Variants in OXSR1 observed in about 807,000 individuals in gnomAD.
OXSR1 encodes serine/threonine-protein kinase OSR1.
A neutral mutation model predicts 79.8 loss-of-function variants in OXSR1; 24 were observed. The ratio of observed to expected loss-of-function variants is 0.30; its 90% confidence interval spans 0.22 to 0.42. OXSR1 has a LOEUF of 0.42. Ranked by LOEUF, OXSR1 falls within the 10% of genes least tolerant of loss-of-function variation. The pLI is 1.00. For synonymous variants in OXSR1, 226 were observed against 209.2 expected (o/e 1.08, Z -0.69); for missense variants, 430 against 618.4 (o/e 0.70, Z 3.23).
intron 1 of OXSR1, among the ~76,000 whole-genome samples, chr3:38,177,699 C>T (rs541289373): frequency 1.1e-4 from 16 of 152,040 alleles, no homozygotes; most frequent in African/African-American, 3.9e-4. Flanking sequence ...ATCTTCCCAT[C>T]TCAGCCTCCC....
At chr3:38,173,169 G>A (rs1701614325) in intron 1 of OXSR1, among the ~76,000 whole-genome samples, 1 of 152,192 alleles carries the variant, frequency 6.6e-6, no homozygotes, top group East Asian at 1.9e-4. Context: ...TGAAGCTTTA[G>A]CTGGACACAT....
In OXSR1 at chr3:38,255,182, G is replaced by A. The variant is rs1703340629; in HGVS notation, c.*2291G>A. Reference sequence around the variant, plus strand: ...GTCCCAGGATCCCCTTGTCCCTGGAGTAGGGACTAACTATAGCACAAAGTA... The same window carrying A: ...GTCCCAGGATCCCCTTGTCCCTGGAATAGGGACTAACTATAGCACAAAGTA... On this transcript the variant is annotated 3_prime_UTR_variant, in exon 18 of 18. Transcript: ENST00000311806. The A allele has an allele frequency of 6.6e-6, 1 of 152,656 alleles. No individual in the cohort carries two copies. Among genetic ancestry groups the A allele is most frequent in the Non-Finnish European group, 1.5e-5 (1 of 68,044 alleles). 9.5% of individuals were successfully genotyped at this position (152,656 alleles called of 1,614,324 possible). A position where few individuals can be genotyped will look rare whatever the true frequency, so the allele number is the denominator to read the frequency against.
rs542538975 is a variant in OXSR1 at position 38,165,723 on chromosome 3, C to G, written c.-154C>G. 9.7e-5 allele frequency: 61 copies of G among 629,876 alleles called. No homozygotes were observed. The highest frequency in any genetic ancestry group is 4.9e-4 in the African/African-American group (25 of 51,222). 39.0% of individuals were successfully genotyped at this position (629,876 alleles called of 1,614,324 possible). On this transcript the variant is annotated 5_prime_UTR_variant, in exon 1 of 18. Transcript: ENST00000311806. ...CCGCTGCTCTGCCGCGCGGTGACCC[C>G]GCGCCCCGGCGCCGTCCGACCCGTG...
rs756162541 is a variant in OXSR1, at chr3:38,250,091, T to C, written c.1375+73T>C. On this transcript the variant is annotated intron_variant, in intron 15 of 17. Coordinates refer to ENST00000311806, the MANE Select transcript of OXSR1 (RefSeq NM_005109.3). ...TCAATGAAATGTGTTGTGAAGTTTC[T>C]GTCCTTTGTGAAGTTTTGCTTTTAA... 9.9e-5 allele frequency: 105 copies of C among 1,061,004 alleles called. No homozygotes were observed. The East Asian group carries it at 2.5e-3, about 25-fold the overall frequency. The allele number at this position is 1,061,004 out of a possible 1,614,324, so 65.7% of individuals were successfully genotyped here.
At position 38,165,744 on chromosome 3, in the gene OXSR1, C is replaced by T; in HGVS notation, c.-133C>T. The T allele has an allele frequency of 1.3e-6, 1 of 787,660 alleles. No individual in the cohort carries two copies. Among genetic ancestry groups the T allele is most frequent in the Non-Finnish European group, 2.0e-6 (1 of 493,676 alleles). 48.8% of individuals were successfully genotyped at this position (787,660 alleles called of 1,614,324 possible). On this transcript the variant is annotated 5_prime_UTR_variant, in exon 1 of 18. Coordinates refer to ENST00000311806, the MANE Select transcript of OXSR1 (RefSeq NM_005109.3). Reference sequence around the variant, plus strand: ...ACCCCGCGCCCCGGCGCCGTCCGACCCGTGGCTGTTCCGAGACGATTGGTG... The same window carrying T: ...ACCCCGCGCCCCGGCGCCGTCCGACTCGTGGCTGTTCCGAGACGATTGGTG...
At position 38,251,384 on chromosome 3, in the gene OXSR1, GTCT is replaced by G. The variant is rs1703252666; in HGVS notation, c.1376-14_1376-12del. On this transcript the variant is annotated splice_polypyrimidine_tract_variant and intron_variant, in intron 15 of 17. Coordinates refer to ENST00000311806, the MANE Select transcript of OXSR1 (RefSeq NM_005109.3). ...AAGCACGCACAAAAAACAGAGCACT[GTCT>G]TCTTTGTCCTTGCAGATACAGCAGA... is the stretch of plus-strand genomic sequence containing the variant. The G allele has an allele frequency of 6.2e-7, 1 of 1,608,512 alleles. No homozygotes were observed. Among genetic ancestry groups the G allele is most frequent in the Non-Finnish European group, 8.5e-7 (1 of 1,175,198 alleles).
chr3:38,209,512 C>T (rs1702341605), intron 4 of OXSR1, among the ~76,000 whole-genome samples: 1 of 152,182 alleles, frequency 6.6e-6, no homozygotes, highest in South Asian at 2.1e-4. Flanking sequence ...AATCCTTCTG[C>T]CTCGGCCTTC....
At chr3:38,166,582 G>A (rs1019640711) in intron 1 of OXSR1, among the ~76,000 whole-genome samples, 26 of 152,088 alleles carry the variant, frequency 1.7e-4, no homozygotes, top group African/African-American at 6.3e-4. Context: ...CACGAGGTCG[G>A]GGGTTCGAGA....
chr3:38,244,637 C>CTGTGTGTGTGTGTGTGTGTGTGTGTG (rs112035003), intron 12 of OXSR1, among the ~76,000 whole-genome samples: 6 of 99,400 alleles, frequency 6.0e-5, no homozygotes, highest in African/African-American at 1.6e-4. Context: ...TAATATTCCT[C>CTGTGTGTGTGTGTGTGTGTGTGTGTG]TGTGTGTGTG....
chr3:38,194,810 G>A (rs1702044685), intron 3 of OXSR1, among the ~76,000 whole-genome samples: 1 of 152,156 alleles, frequency 6.6e-6, no homozygotes, highest in South Asian at 2.1e-4. Context: ...ACAGAAATAT[G>A]TATAGGGTAC....
intron 3 of OXSR1, chr3:38,193,222 C>T: frequency 8.0e-7 from 1 of 1,244,138 alleles, no homozygotes; most frequent in Non-Finnish European, 1.1e-6. Context: ...AGTAATAAGC[C>T]CTTGTTATTT....
chr3:38,230,731 T>C (rs1702787868), intron 10 of OXSR1: 1 of 281,910 alleles, frequency 3.5e-6, no homozygotes, highest in Non-Finnish European at 6.8e-6. Flanking sequence ...ACATGACATT[T>C]ATAGCTTTGG....
chr3:38,243,012 T>G (rs555663582), intron 12 of OXSR1, among the ~76,000 whole-genome samples: 57 of 145,582 alleles, frequency 3.9e-4, no homozygotes, highest in African/African-American at 1.5e-3. Flanking sequence ...AGTTATTTAT[T>G]TATTTATTTA....
At chr3:38,233,498 T>G (rs945121069) in intron 10 of OXSR1, among the ~76,000 whole-genome samples, 4 of 151,972 alleles carry the variant, frequency 2.6e-5, no homozygotes, top group Admixed American at 6.6e-5. Flanking sequence ...ACAGGATACC[T>G]CAGGGAAACC....
chr3:38,238,293 C>G (rs905833837), intron 11 of OXSR1, among the ~76,000 whole-genome samples: 1 of 151,854 alleles, frequency 6.6e-6, no homozygotes, highest in Non-Finnish European at 1.5e-5. Context: ...AATAATATAC[C>G]ATGACCAAAC....
intron 11 of OXSR1, among the ~76,000 whole-genome samples, chr3:38,239,632 G>C (rs1702987627): frequency 1.3e-5 from 2 of 152,102 alleles, no homozygotes. Flanking sequence ...CGTTTTTGAT[G>C]TTTTCCCCCC....
At chr3:38,225,707 AT>A (rs1352177919) in intron 8 of OXSR1, among the ~76,000 whole-genome samples, 3 of 152,188 alleles carry the variant, frequency 2.0e-5, no homozygotes, top group African/African-American at 7.2e-5. Context: ...CAACTTAAAG[AT>A]TCTCAGATGC....
intron 8 of OXSR1, among the ~76,000 whole-genome samples, chr3:38,228,259 C>T (rs1205228026): frequency 6.6e-6 from 1 of 151,946 alleles, no homozygotes; most frequent in Non-Finnish European, 1.5e-5. Context: ...ATAAGTTGTA[C>T]TTTAGAAAGA....
At chr3:38,239,496 A>G (rs1419335583) in intron 11 of OXSR1, among the ~76,000 whole-genome samples, 1 of 152,168 alleles carries the variant, frequency 6.6e-6, no homozygotes, top group Non-Finnish European at 1.5e-5. Context: ...ATTCCCCATT[A>G]CTGAGACAAG....
Sources: allele counts gnomAD v4.1 joint callset (sites outside exome capture counted in the v4.1 genomes callset), GRCh38; gene constraint gnomAD v4.1.1; transcripts MANE v1.5; gene names NCBI Gene and HGNC (gene_info 2026-07-23, HGNC 2026-07-21).